The following XRRA1 variants were observed in gnomAD, a reference collection of about 807,000 sequenced individuals.
XRRA1 encodes the protein X-ray radiation resistance associated 1, also known as X-ray radiation resistance-associated protein 1.
Under a neutral mutation model 80.2 loss-of-function variants are expected in XRRA1, and 69 were observed. The ratio of observed to expected loss-of-function variants is 0.86; its 90% CI spans 0.71 to 1.05. XRRA1 has a LOEUF of 1.05. Among genes scored for constraint, XRRA1 ranks in the 50% least tolerant of loss-of-function variants. The pLI, the probability that XRRA1 is intolerant of heterozygous loss-of-function variation, is 0.00. For synonymous variants in XRRA1, 348 were observed against 389.9 expected, an observed-to-expected ratio of 0.89 and a Z score of 1.27; for missense variants, 967 against 976.4, an observed-to-expected ratio of 0.99 and a Z score of 0.13.
chr11:74,858,704 C>T (rs577486272), intron 12 of XRRA1, among the ~76,000 whole-genome samples: 15 of 152,200 alleles, frequency 9.9e-5, no homozygotes, highest in African/African-American at 3.6e-4. Context: ...TGATTCAGAT[C>T]TCAGCTTAAA....
chr11:74,901,694 G>C (rs113491586), intron 10 of XRRA1, among the ~76,000 whole-genome samples: 1 of 152,296 alleles, frequency 6.6e-6, no homozygotes, highest in East Asian at 1.9e-4. Flanking sequence ...TTGGGGAAAA[G>C]ACAGTCTCTT....
intron 10 of XRRA1, among the ~76,000 whole-genome samples, chr11:74,883,900 G>T (rs1332948986): frequency 6.6e-6 from 1 of 152,224 alleles, no homozygotes; most frequent in Non-Finnish European, 1.5e-5. Flanking sequence ...CGCAGTACAA[G>T]AAATTATTTT....
chr11:74,934,434 C>T (rs574486392), intron 4 of XRRA1, among the ~76,000 whole-genome samples: 3 of 152,208 alleles, frequency 2.0e-5, no homozygotes, highest in Admixed American at 6.5e-5. Context: ...AAAGCAGAGA[C>T]ATTCCATAAC....
rs762731078 is a variant in XRRA1, at chr11:74,921,232, T to C, written c.638A>G (p.Asn213Ser). 12 of 1,613,606 alleles carry C rather than the reference T, an allele frequency of 7.4e-6. No homozygotes were observed. The highest frequency in any genetic ancestry group is 1.3e-5 in the African/African-American group (1 of 74,900). ...TGNGLTSLPPNLAVAEQEASV... is the reference protein window; with the variant it reads ...TGNGLTSLPPSLAVAEQEASV... ...AACTTACTGTTCTGCGACGGCCAAA[T>C]TGGGCGGCAGGGAGGTAAGGCCATT... is the stretch of plus-strand genomic sequence containing the variant. Residue 213 changes from asparagine to serine, a missense_variant, in exon 8 of 19, where the codon AAT becomes AGT. Physicochemically the swap from Asn to Ser is conservative, Grantham distance 46. Transcript: ENST00000684022.
At chr11:74,849,661 C>T (rs1047064133) in intron 14 of XRRA1, among the ~76,000 whole-genome samples, 10 of 152,326 alleles carry the variant, frequency 6.6e-5, no homozygotes, top group Admixed American at 1.3e-4. Flanking sequence ...CTACTTTCCC[C>T]GCCCCCTCCC....
chr11:74,848,592 G>C (rs1411441734), intron 14 of XRRA1, 130 bp from the exon 15 acceptor site: 7 of 778,454 alleles, frequency 9.0e-6, no homozygotes, highest in Non-Finnish European at 1.4e-5. Flanking sequence ...GGTGGAAAGG[G>C]AAATCATACT....
intron 8 of XRRA1, chr11:74,919,688 T>C (rs898888524): frequency 2.7e-5 from 14 of 526,982 alleles, no homozygotes; most frequent in East Asian, 9.9e-5. Context: ...AGTGCATCCA[T>C]GGAGTGGGCT....
chr11:74,904,217 T>C (rs1351437330), intron 10 of XRRA1, among the ~76,000 whole-genome samples: 1 of 152,180 alleles, frequency 6.6e-6, no homozygotes, highest in African/African-American at 2.4e-5. Flanking sequence ...CATAGATAGA[T>C]GCATATTAAA....
At chr11:74,928,596 A>T (rs1171350777) in intron 6 of XRRA1, among the ~76,000 whole-genome samples, 1 of 152,180 alleles carries the variant, frequency 6.6e-6, no homozygotes, top group Non-Finnish European at 1.5e-5. Context: ...TCCATTGAAG[A>T]GAAACTCCTG....
chr11:74,947,067 A>G (rs1449709696), intron 1 of XRRA1, among the ~76,000 whole-genome samples: 1 of 152,152 alleles, frequency 6.6e-6, no homozygotes, highest in Non-Finnish European at 1.5e-5. Context: ...TGCATCTCAC[A>G]CAGGACCTGG....
rs2036836502 is a variant in XRRA1, at chr11:74,843,142, G to A, written c.*58C>T. The A allele has an allele frequency of 1.7e-5, 25 of 1,502,796 alleles. No homozygotes were observed. The highest frequency in any genetic ancestry group is 1.8e-4 in the Middle Eastern group (1 of 5,560). 93.1% of individuals were successfully genotyped at this position (1,502,796 alleles called of 1,614,324 possible). A position where few individuals can be genotyped will look rare whatever the true frequency, so the allele number is the denominator to read the frequency against. On this transcript the variant is annotated 3_prime_UTR_variant, in exon 19 of 19. Transcript: ENST00000684022. Reference sequence around the variant, plus strand: ...CTTGAGGTGCGGTCCAGGGCACAGAGCCCTCGGGGAGAGCTGGGGCACAGG... The same window carrying A: ...CTTGAGGTGCGGTCCAGGGCACAGAACCCTCGGGGAGAGCTGGGGCACAGG...
At chr11:74,942,427 C>T (rs977504007) in intron 2 of XRRA1, among the ~76,000 whole-genome samples, 1 of 152,190 alleles carries the variant, frequency 6.6e-6, no homozygotes, top group Non-Finnish European at 1.5e-5. Context: ...AAAAGCAAGA[C>T]AGCAGTGAGA....
At chr11:74,943,504 C>T (rs1026550331) in intron 2 of XRRA1, among the ~76,000 whole-genome samples, 11 of 115,410 alleles carry the variant, frequency 9.5e-5, no homozygotes, top group Middle Eastern at 8.0e-3. Context: ...AAGCTGGAGG[C>T]GAGGGGAAGA....
chr11:74,920,575 T>C (rs2138916393), intron 8 of XRRA1, among the ~76,000 whole-genome samples: 1 of 152,204 alleles, frequency 6.6e-6, no homozygotes, highest in East Asian at 1.9e-4. Flanking sequence ...AGAATCTACA[T>C]GAGAATATAA....
At chr11:74,935,317 C>T (rs901345256) in intron 4 of XRRA1, among the ~76,000 whole-genome samples, 1 of 152,142 alleles carries the variant, frequency 6.6e-6, no homozygotes, top group Non-Finnish European at 1.5e-5. Context: ...TGTAAAGTGG[C>T]ACAGCACAAA....
rs541804298 is a variant in XRRA1, at chr11:74,912,817, A to G, written c.657-5544T>C. Among the ~76,000 whole-genome samples the G allele has an allele frequency of 7.9e-5, 12 of 152,360 alleles. No homozygotes were observed. The South Asian group carries it at 2.5e-3, about 32-fold the overall frequency. On this transcript the variant is annotated intron_variant, in intron 8 of 18. Coordinates refer to ENST00000684022, the MANE Select transcript of XRRA1 (RefSeq NM_001378157.1). ...TCAGTTCCTGTATCACACTAGCTAC[A>G]TTTCAAGTGCTCAAGAGCTCAATAT...
intron 8 of XRRA1, among the ~76,000 whole-genome samples, chr11:74,920,587 A>AT (rs1940426942): frequency 6.6e-6 from 1 of 152,212 alleles, no homozygotes; most frequent in South Asian, 2.1e-4. Flanking sequence ...AGAATATAAT[A>AT]TAACAGTCAT....
intron 10 of XRRA1, among the ~76,000 whole-genome samples, chr11:74,890,890 C>G (rs901471516): frequency 6.6e-6 from 1 of 152,152 alleles, no homozygotes; most frequent in African/African-American, 2.4e-5. Flanking sequence ...ATAACAGGAG[C>G]TGAAATTGAG....
At chr11:74,944,926 G>T (rs904312815) in intron 2 of XRRA1, 92 bp downstream of exon 2, 2 of 152,502 alleles carry the variant, frequency 1.3e-5, no homozygotes, top group African/African-American at 4.8e-5. Context: ...GTAATTTGCT[G>T]GCTGGAAAAT....
Sources: allele counts gnomAD v4.1 joint callset (sites outside exome capture counted in the v4.1 genomes callset), GRCh38; gene constraint gnomAD v4.1.1; transcripts MANE v1.5; gene names NCBI Gene and HGNC (gene_info 2026-07-23, HGNC 2026-07-21).